Variants in MAP1B observed in about 807,000 individuals in gnomAD.
MAP1B encodes the protein microtubule-associated protein 1B.
A neutral mutation model predicts 176.1 loss-of-function variants in MAP1B; 12 were observed. The ratio of observed to expected loss-of-function variants is 0.07; its 90% CI spans 0.04 to 0.11. The LOEUF (loss-of-function observed/expected upper bound fraction) is 0.11. Among genes scored for constraint, MAP1B ranks in the 10% least tolerant of loss-of-function variants. The pLI, the probability that MAP1B is intolerant of heterozygous loss-of-function variation, is 1.00. For missense variants in MAP1B, 2,523 were observed against 2,990.5 expected (o/e 0.84, Z 3.65); for synonymous variants, 1,044 against 1,135.0 (o/e 0.92, Z 1.61).
intron 2 of MAP1B, among the ~76,000 whole-genome samples, chr5:72,122,335 G>GT (rs1745546038): frequency 6.6e-6 from 1 of 152,060 alleles, no homozygotes; most frequent in Non-Finnish European, 1.5e-5. Context: ...AGACAGCCCA[G>GT]TCACCCCCAC....
At position 72,207,772 on chromosome 5, in the gene MAP1B, C is replaced by T. The variant is rs1258056102; in HGVS notation, c.*2533C>T. ...CGTGGGAAGAAAACCAGATTTTTAGCCTTCTTGCCAAATCCAGACCTCTGG... is the reference window on the plus strand; with the variant it reads ...CGTGGGAAGAAAACCAGATTTTTAGTCTTCTTGCCAAATCCAGACCTCTGG... On this transcript the variant is annotated 3_prime_UTR_variant, in exon 7 of 7. Transcript: ENST00000296755. 6.6e-6 allele frequency: 1 copy of T among 152,190 alleles called. No homozygotes were observed. Among genetic ancestry groups the T allele is most frequent in the Admixed American group, 6.5e-5 (1 of 15,278 alleles). The allele number at this position is 152,190 out of a possible 1,614,324, so 9.4% of individuals were successfully genotyped here.
chr5:72,203,637 A>C lies in MAP1B; in HGVS notation c.7087A>C (p.Ile2363Leu). The stretch of plus-strand genomic sequence containing the variant: ...CCCTGTGTATTTGGACCTGTGCTAC[A>C]TTCCTAACCACAGCAATAGTAAGAA... ...GLPVYLDLCY[I>L]PNHSNSKNVD... is the part of the protein sequence containing the mutation. Residue 2363 changes from isoleucine to leucine, a missense_variant, in exon 6 of 7, where the codon ATT (isoleucine) becomes CTT (leucine). Ile to Leu is a conservative substitution (Grantham distance 5). This residue lies in a region of MAP1B where 287 missense variants were observed against 401.5 expected (regional missense o/e 0.71). Transcript: ENST00000296755. 1.2e-6 allele frequency: 2 copies of C among 1,614,168 alleles called. No homozygotes were observed. The highest frequency in any genetic ancestry group is 1.7e-6 in the Non-Finnish European group (2 of 1,180,030).
chr5:72,115,257 C>T (rs1229768239), intron 1 of MAP1B, among the ~76,000 whole-genome samples: 1 of 152,188 alleles, frequency 6.6e-6, no homozygotes, highest in Non-Finnish European at 1.5e-5. Flanking sequence ...TGGCAGCCCC[C>T]GTGTATTTTC....
intron 2 of MAP1B, among the ~76,000 whole-genome samples, chr5:72,116,811 T>C (rs1409596690): frequency 6.6e-6 from 1 of 152,226 alleles, no homozygotes; most frequent in African/African-American, 2.4e-5. Context: ...TTATTGGCAT[T>C]GATATAACAT....
chr5:72,174,237 G>T (rs1746605350), intron 2 of MAP1B, among the ~76,000 whole-genome samples: 1 of 152,204 alleles, frequency 6.6e-6, no homozygotes, highest in Non-Finnish European at 1.5e-5. Flanking sequence ...TGTCCCAATA[G>T]CTTCTATTTG....
intron 2 of MAP1B, among the ~76,000 whole-genome samples, chr5:72,163,227 C>CA (rs10608907): frequency 0.02 from 1,544 of 78,038 alleles, 51 homozygotes; most frequent in African/African-American, 0.064. Flanking sequence ...GACTCCATCT[C>CA]AAAAAAAAAA....
chr5:72,174,716 C>T (rs1746615227), intron 2 of MAP1B, among the ~76,000 whole-genome samples: 1 of 152,186 alleles, frequency 6.6e-6, no homozygotes, highest in African/African-American at 2.4e-5. Flanking sequence ...GCTTAGAGAA[C>T]AGGGCACTCA....
chr5:72,195,366 A>G lies in MAP1B; in HGVS notation c.2011A>G (p.Lys671Glu). The change falls in exon 5 of 7, where the codon AAG (lysine) becomes GAG (glutamate). Residue 671 changes from lysine to glutamate, a missense_variant. Lys to Glu is a moderately conservative substitution (Grantham distance 56). This residue lies in a region of MAP1B where 1,925 missense variants were observed against 2,126.0 expected (regional missense o/e 0.91). Transcript: ENST00000296755. ...AKKEDKTPIK[K>E]EEKPKKEEVK... is the part of the protein sequence containing the mutation. Reference sequence around the variant, plus strand: ...AAAGGAGGACAAAACACCTATCAAGAAGGAGGAAAAACCAAAAAAGGAAGA... The same window carrying G: ...AAAGGAGGACAAAACACCTATCAAGGAGGAGGAAAAACCAAAAAAGGAAGA... 1 of 1,577,848 alleles carries G rather than the reference A, an allele frequency of 6.3e-7. No individual in the cohort carries two copies. The highest frequency in any genetic ancestry group is 8.6e-7 in the Non-Finnish European group (1 of 1,166,178).
At chr5:72,179,115 T>A (rs1030243717) in intron 2 of MAP1B, among the ~76,000 whole-genome samples, 2 of 152,110 alleles carry the variant, frequency 1.3e-5, no homozygotes, top group African/African-American at 4.8e-5. Context: ...CGCGGACCCC[T>A]TTTGTCACAC....
At chr5:72,178,945 T>C (rs914814844) in intron 2 of MAP1B, among the ~76,000 whole-genome samples, 21 of 152,112 alleles carry the variant, frequency 1.4e-4, no homozygotes, top group African/African-American at 4.3e-4. Flanking sequence ...ATCTGTCACA[T>C]TTTCAAAAAG....
In MAP1B at chr5:72,205,493, C is replaced by T. The variant is rs1747427352; in HGVS notation, c.*254C>T. 4 of 403,750 alleles carry T rather than the reference C, an allele frequency of 9.9e-6. No individual in the cohort carries two copies. Among genetic ancestry groups the T allele is most frequent in the South Asian group, 6.2e-5 (2 of 32,302 alleles). The allele number at this position is 403,750 out of a possible 1,614,324, so 25.0% of individuals were successfully genotyped here. On this transcript the variant is annotated 3_prime_UTR_variant, in exon 7 of 7. Coordinates refer to ENST00000296755, the MANE Select transcript of MAP1B (RefSeq NM_005909.5). ...CCTACCCCAGTTCATCTCTGCTGAA[C>T]ATTTGGAAACCATGCACTAGCCAAC...
At chr5:72,189,694 TAA>T (rs759670082) in intron 4 of MAP1B, among the ~76,000 whole-genome samples, 2 of 140,192 alleles carry the variant, frequency 1.4e-5, no homozygotes, top group South Asian at 2.3e-4. Flanking sequence ...TTCTGTCTCT[TAA>T]AAAAAAAAAA....
intron 2 of MAP1B, among the ~76,000 whole-genome samples, chr5:72,175,400 G>T (rs1209947901): frequency 6.6e-6 from 1 of 152,042 alleles, no homozygotes. Flanking sequence ...TGTTGAAGAT[G>T]TAACCCTTAG....
chr5:72,180,563 G>A (rs1260689705), intron 2 of MAP1B, among the ~76,000 whole-genome samples: 1 of 152,188 alleles, frequency 6.6e-6, no homozygotes, highest in Non-Finnish European at 1.5e-5. Context: ...GAAAAGCAAT[G>A]TCCAATAAAT....
chr5:72,150,528 T>C (rs1441450206), intron 2 of MAP1B, among the ~76,000 whole-genome samples: 4 of 152,206 alleles, frequency 2.6e-5, no homozygotes, highest in Non-Finnish European at 5.9e-5. Flanking sequence ...AAGTTCAGGG[T>C]ACAAATGCAG....
intron 1 of MAP1B, among the ~76,000 whole-genome samples, chr5:72,113,466 CAAAAAT>C: frequency 6.6e-6 from 1 of 152,184 alleles, no homozygotes; most frequent in Non-Finnish European, 1.5e-5. Context: ...ACAAATATGT[CAAAAAT>C]AAAATATGTA....
rs1441324237 is a variant in MAP1B, at chr5:72,186,688, A to G, written c.444A>G (p.Gly148=). ...VLTGQCFENT[G]ELILQSGSFS... ...CCGGGCAGTGCTTTGAAAATACCGG[A>G]GAGCTCATTCTCCAGTCCGGCTCTT... is the stretch of plus-strand genomic sequence containing the variant. Residue 148 remains glycine, a synonymous_variant, in exon 4 of 7, where the codon GGA becomes GGG. Coordinates refer to ENST00000296755, the MANE Select transcript of MAP1B (RefSeq NM_005909.5). This position sits in a 1 kb window ranked among gnomAD's most constrained non-coding sequence, Gnocchi z 4.3. 1 of 1,614,144 alleles carries G rather than the reference A, an allele frequency of 6.2e-7. No individual in the cohort carries two copies. The highest frequency in any genetic ancestry group is 1.1e-5 in the South Asian group (1 of 91,084).
At chr5:72,143,906 C>A (rs886589004) in intron 2 of MAP1B, among the ~76,000 whole-genome samples, 2 of 152,078 alleles carry the variant, frequency 1.3e-5, no homozygotes, top group African/African-American at 4.8e-5. Context: ...CTAGGTAGGT[C>A]TTGAACTCCT....
At chr5:72,136,576 A>G (rs1745840263) in intron 2 of MAP1B, among the ~76,000 whole-genome samples, 1 of 152,172 alleles carries the variant, frequency 6.6e-6, no homozygotes, top group Non-Finnish European at 1.5e-5. Flanking sequence ...GATGGAAGGA[A>G]AAGGGGGACA....
Sources: gnomAD v4.1 joint callset for allele counts (sites outside exome capture counted in the v4.1 genomes callset) on GRCh38, gnomAD v4.1.1 for gene constraint, gnomAD v4.1.1 regional missense constraint, Gnocchi (gnomAD v3.1) non-coding constraint, MANE v1.5 for transcripts, NCBI Gene and HGNC (gene_info 2026-07-23, HGNC 2026-07-21) for gene names.